TSPAN19: variants seen among roughly 807,000 people sequenced by gnomAD.
The protein encoded by TSPAN19 is tetraspanin 19.
In TSPAN19, 44 loss-of-function variants were observed where a neutral mutation model predicts 35.1. That is an observed-to-expected ratio of 1.25 (90% CI 0.98 to 1.61). TSPAN19 has a LOEUF of 1.61. TSPAN19 is among the 40% of genes most tolerant of loss of function. The pLI is 0.00. For synonymous variants in TSPAN19, 79 were observed against 92.0 expected, an observed-to-expected ratio of 0.86 and a Z score of 0.81; for missense variants, 290 against 280.0, an observed-to-expected ratio of 1.04 and a Z score of -0.26.
chr12:85,021,953 A>T (rs1877150022), intron 5 of TSPAN19, among the ~76,000 whole-genome samples: 1 of 152,144 alleles, frequency 6.6e-6, no homozygotes, highest in South Asian at 2.1e-4. Context: ...TGTTTATCAC[A>T]GTCTCTGGCA....
chr12:85,023,545 T>C, intron 4 of TSPAN19, 145 bp from the exon 5 acceptor site: 1 of 573,318 alleles, frequency 1.7e-6, no homozygotes. Flanking sequence ...TTCACAAATA[T>C]GAATGAAATT....
intron 1 of TSPAN19, among the ~76,000 whole-genome samples, chr12:85,030,506 C>G (rs962544721): frequency 2.0e-5 from 3 of 151,940 alleles, no homozygotes; most frequent in African/African-American, 7.2e-5. Context: ...TGTTGCCTCT[C>G]AAATTTCTCA....
rs141081067 is a variant in TSPAN19 at position 85,017,746 on chromosome 12, G to T, written c.451-147C>A. The T allele has an allele frequency of 7.2e-4, 433 of 601,434 alleles. 4 individuals are homozygous for T. The African/African-American group carries it at 7.9e-3, about 11-fold the overall frequency. The allele number at this position is 601,434 out of a possible 1,614,324, so 37.3% of individuals were successfully genotyped here. On this transcript the variant is annotated intron_variant, in intron 6 of 8. Coordinates refer to ENST00000532498, the MANE Select transcript of TSPAN19 (RefSeq NM_001100917.2). ...TAATGAATTAAATAAGTATATCTGT[G>T]CTTGTTTAATTCATTACTTTGTTTC...
chr12:85,034,773 T>C (rs1877856412), intron 1 of TSPAN19, among the ~76,000 whole-genome samples: 1 of 152,186 alleles, frequency 6.6e-6, no homozygotes, highest in Non-Finnish European at 1.5e-5. Flanking sequence ...TTATGACTAA[T>C]TGATAAAGTT....
intron 1 of TSPAN19, among the ~76,000 whole-genome samples, chr12:85,032,529 T>C (rs1311088113): frequency 1.3e-5 from 2 of 152,146 alleles, no homozygotes; most frequent in African/African-American, 2.4e-5. Flanking sequence ...AAGATGTTTA[T>C]GGTAATTTCA....
At chr12:85,023,441 A>C (rs1877231762) in intron 4 of TSPAN19, 41 bp from the exon 5 acceptor site, 3 of 1,459,030 alleles carry the variant, frequency 2.1e-6, no homozygotes, top group Admixed American at 4.0e-5. Context: ...TATGCTACTA[A>C]TATATGTTTT....
chr12:85,014,417 G>A lies in TSPAN19; in HGVS notation c.*70C>T. On this transcript the variant is annotated 3_prime_UTR_variant, in exon 9 of 9. Transcript: ENST00000532498. ...ATTTAATACAATTCAAAACGTTTTT[G>A]GAATAAAATAATATAATGTGATTTT... 1 of 1,126,118 alleles carries A rather than the reference G, an allele frequency of 8.9e-7. No individual in the cohort carries two copies. The highest frequency in any genetic ancestry group is 1.3e-6 in the Non-Finnish European group (1 of 784,154). The allele number at this position is 1,126,118 out of a possible 1,614,324, so 69.8% of individuals were successfully genotyped here. A position where few individuals can be genotyped will look rare whatever the true frequency, so the allele number is the denominator to read the frequency against.
intron 3 of TSPAN19, 94 bp downstream of exon 3, chr12:85,029,625 G>C: frequency 1.0e-6 from 1 of 986,502 alleles, no homozygotes; most frequent in South Asian, 1.6e-5. Flanking sequence ...ATAAATTACA[G>C]AGAAATACTG....
At chr12:85,022,208 C>T (rs904472477) in intron 5 of TSPAN19, among the ~76,000 whole-genome samples, 1 of 151,876 alleles carries the variant, frequency 6.6e-6, no homozygotes, top group Non-Finnish European at 1.5e-5. Flanking sequence ...TTAAAACTCA[C>T]ACACACACAA....
In TSPAN19 at chr12:85,019,707, A is replaced by G; in HGVS notation, c.369T>C (p.Asp123=). The part of the protein sequence containing the change: ...EVQQLWHDKI[D]FVISEYGSKD... Reference sequence around the variant, plus strand: ...TAGATCCATACTCAGAAATGACAAAATCAATTTTGTCATGCCATAGTTGCT... The same window carrying G: ...TAGATCCATACTCAGAAATGACAAAGTCAATTTTGTCATGCCATAGTTGCT... The change falls in exon 6 of 9, where the codon GAT becomes GAC. Residue 123 remains aspartate (D), a synonymous_variant. Transcript: ENST00000532498. The G allele has an allele frequency of 6.2e-7, 1 of 1,608,354 alleles. No individual in the cohort carries two copies. Among genetic ancestry groups the G allele is most frequent in the Non-Finnish European group, 8.5e-7 (1 of 1,176,888 alleles).
Position 85,029,963 on chromosome 12 carries a change from T to C in TSPAN19, c.-17A>G, listed in dbSNP as rs760805536. 24 of 1,428,496 alleles carry C rather than the reference T, an allele frequency of 1.7e-5. No individual in the cohort carries two copies. The highest frequency in any genetic ancestry group is 2.2e-5 in the Non-Finnish European group (23 of 1,062,314). The allele number at this position is 1,428,496 out of a possible 1,614,324, so 88.5% of individuals were successfully genotyped here. A position where few individuals can be genotyped will look rare whatever the true frequency, so the allele number is the denominator to read the frequency against. On this transcript the variant is annotated 5_prime_UTR_variant, in exon 2 of 9. The change creates a new upstream start codon in the 5' untranslated region. Coordinates refer to ENST00000532498, the MANE Select transcript of TSPAN19 (RefSeq NM_001100917.2). ...TCTTAACATTCTTTTTCTTCCAAGA[T>C]ATTGATGATTCTGAAAAGACAACCA... is the stretch of plus-strand genomic sequence containing the variant.
At chr12:85,033,262 G>A (rs753908966) in intron 1 of TSPAN19, among the ~76,000 whole-genome samples, 1 of 152,030 alleles carries the variant, frequency 6.6e-6, no homozygotes, top group Non-Finnish European at 1.5e-5. Context: ...GTGTAAGGAG[G>A]CATGGATCAG....
intron 1 of TSPAN19, among the ~76,000 whole-genome samples, chr12:85,033,599 C>A (rs576226107): frequency 6.6e-6 from 1 of 152,222 alleles, no homozygotes; most frequent in East Asian, 1.9e-4. Context: ...TCTACATTGT[C>A]TCATTTAAAT....
chr12:85,018,621 A>C (rs565266488), intron 6 of TSPAN19, among the ~76,000 whole-genome samples: 25 of 152,060 alleles, frequency 1.6e-4, no homozygotes, highest in Non-Finnish European at 3.1e-4. Context: ...AGTATTTGTA[A>C]TTACATTTCA....
intron 8 of TSPAN19, chr12:85,014,941 G>A (rs575293153): frequency 6.4e-6 from 1 of 156,738 alleles, no homozygotes; most frequent in African/African-American, 2.4e-5. Context: ...AAGGTGGCTT[G>A]TAAAGGGCAG....
chr12:85,020,640 C>G (rs1877070069), intron 5 of TSPAN19, among the ~76,000 whole-genome samples: 1 of 151,832 alleles, frequency 6.6e-6, no homozygotes, highest in African/African-American at 2.4e-5. Context: ...ACCCATTTCC[C>G]CTGAAGGTAT....
intron 8 of TSPAN19, chr12:85,015,538 A>G (rs1168151395): frequency 2.6e-5 from 2 of 78,236 alleles, no homozygotes; most frequent in Non-Finnish European, 4.9e-5. Context: ...ATATATGAAC[A>G]TATACACACA....
intron 3 of TSPAN19, among the ~76,000 whole-genome samples, chr12:85,028,838 C>A (rs746947386): frequency 6.6e-6 from 1 of 152,064 alleles, no homozygotes; most frequent in African/African-American, 2.4e-5. Flanking sequence ...GGTTGTTAAA[C>A]GTTTGCCGGC....
intron 6 of TSPAN19, 128 bp downstream of exon 6, chr12:85,019,498 C>T: frequency 1.7e-6 from 1 of 578,316 alleles, no homozygotes; most frequent in Non-Finnish European, 3.1e-6. Context: ...GCCCTTTTTG[C>T]CCAGTTTGTT....
Sources: allele counts gnomAD v4.1 joint callset (sites outside exome capture counted in the v4.1 genomes callset), GRCh38; gene constraint gnomAD v4.1.1; transcripts MANE v1.5; gene names NCBI Gene and HGNC (gene_info 2026-07-23, HGNC 2026-07-21).